Variants in STX8 observed in about 807,000 individuals in gnomAD.
The protein encoded by STX8 is syntaxin-8.
A neutral mutation model predicts 37.5 loss-of-function variants in STX8; 23 were observed. The observed-to-expected ratio is 0.61, with a 90% CI of 0.44 to 0.87. STX8 has a LOEUF of 0.87. Ranked by LOEUF, STX8 falls within the 40% of genes least tolerant of loss-of-function variation. The pLI is 0.00. For synonymous variants in STX8, 115 were observed against 99.1 expected, an observed-to-expected ratio of 1.16 and a Z score of -0.95; for missense variants, 313 against 284.7, an observed-to-expected ratio of 1.10 and a Z score of -0.71.
At chr17:9,558,204 G>GA (rs1278319486) in intron 2 of STX8, among the ~76,000 whole-genome samples, 1 of 152,190 alleles carries the variant, frequency 6.6e-6, no homozygotes, top group Non-Finnish European at 1.5e-5. Flanking sequence ...TTGGAAATGT[G>GA]AAAAAACTGC....
chr17:9,559,756 A>AT (rs1214621506), intron 2 of STX8, among the ~76,000 whole-genome samples: 454 of 31,068 alleles, frequency 0.015, 8 homozygotes, highest in Admixed American at 0.046. Context: ...ATATATATAT[A>AT]TATATTTTTT....
At chr17:9,451,697 C>G (rs1198114576) in intron 6 of STX8, among the ~76,000 whole-genome samples, 1 of 151,830 alleles carries the variant, frequency 6.6e-6, no homozygotes, top group East Asian at 1.9e-4. Context: ...ACCCAAGTTG[C>G]TAGATTTTTC....
intron 7 of STX8, among the ~76,000 whole-genome samples, chr17:9,266,333 G>A (rs1313926839): frequency 6.6e-6 from 1 of 152,228 alleles, no homozygotes; most frequent in Non-Finnish European, 1.5e-5. Flanking sequence ...CCTTTCTGAA[G>A]TGAGAAGCAG....
chr17:9,486,374 T>C (rs879015146), intron 6 of STX8, among the ~76,000 whole-genome samples: 1 of 152,180 alleles, frequency 6.6e-6, no homozygotes, highest in Admixed American at 6.5e-5. Flanking sequence ...TATTTGAGCA[T>C]CAAAAGAATG....
Position 9,463,945 on chromosome 17 carries a change from T to C in STX8, c.541+27884A>G, listed in dbSNP as rs1204804697. 5.4e-5 allele frequency among the ~76,000 whole-genome samples: 8 copies of C among 149,260 alleles called. No homozygotes were observed. In the East Asian group the frequency reaches 1.6e-3, roughly 29 times the overall value. ...AAAAATTTAGCTGGGTGTGGTGGTG[T>C]GCACCTGTAGTCCCAGCTACTCAGG... is the stretch of plus-strand genomic sequence containing the variant. On this transcript the variant is annotated intron_variant, in intron 6 of 7. Coordinates refer to ENST00000306357, the MANE Select transcript of STX8 (RefSeq NM_004853.3).
rs577308797 is a variant in STX8 at position 9,545,673 on chromosome 17, C to T, written c.213-391G>A. ...TCGGCCCACTGCAACCTCTGCCTCC[C>T]GGGTTCAAGCAGTTCTCCTGCCTCA... On this transcript the variant is annotated intron_variant, in intron 3 of 7. Coordinates refer to ENST00000306357, the MANE Select transcript of STX8 (RefSeq NM_004853.3). 3.9e-5 allele frequency among the ~76,000 whole-genome samples: 6 copies of T among 152,290 alleles called. 1 individual carries two copies. In the East Asian group the frequency reaches 7.7e-4, roughly 20 times the overall value.
chr17:9,314,378 T>C (rs1268472125), intron 7 of STX8, among the ~76,000 whole-genome samples: 3 of 152,108 alleles, frequency 2.0e-5, no homozygotes, highest in Non-Finnish European at 4.4e-5. Context: ...ATTGGGAATA[T>C]ATATTTTATA....
intron 7 of STX8, among the ~76,000 whole-genome samples, chr17:9,282,541 G>A (rs1194914864): frequency 2.6e-5 from 4 of 152,182 alleles, no homozygotes; most frequent in Admixed American, 6.5e-5. Context: ...GTAAGACAGG[G>A]TTCAACAGAA....
intron 7 of STX8, among the ~76,000 whole-genome samples, chr17:9,356,642 C>T (rs963710178): frequency 3.9e-5 from 6 of 152,186 alleles, no homozygotes; most frequent in African/African-American, 1.4e-4. Flanking sequence ...TGAGGCTGTT[C>T]CTCTTCCTCT....
Position 9,507,019 on chromosome 17 carries a change from C to G in STX8, c.324-1857G>C, listed in dbSNP as rs1457992820. On this transcript the variant is annotated intron_variant, in intron 4 of 7. Coordinates refer to ENST00000306357, the MANE Select transcript of STX8 (RefSeq NM_004853.3). The surrounding 1 kb of genome is among the most constrained non-coding windows in gnomAD (Gnocchi z 4.0). ...TCCTGCAATGAAGGGAAACCACCCT[C>G]TGCACTTTCAGCCACAGAAACAGTC... 2.6e-5 allele frequency among the ~76,000 whole-genome samples: 4 copies of G among 151,986 alleles called. No homozygotes were observed. The highest frequency in any genetic ancestry group is 1.3e-4 in the Admixed American group (2 of 15,256).
At chr17:9,526,587 T>G (rs992610004) in intron 4 of STX8, among the ~76,000 whole-genome samples, 1 of 152,208 alleles carries the variant, frequency 6.6e-6, no homozygotes, top group Admixed American at 6.5e-5. Flanking sequence ...GTTGGAAACA[T>G]TTTTTAAAAT....
chr17:9,506,792 CCCCACTCCCCA>C (rs1904855251), intron 4 of STX8, among the ~76,000 whole-genome samples: 1 of 152,076 alleles, frequency 6.6e-6, no homozygotes, highest in African/African-American at 2.4e-5. Flanking sequence ...TAGGAGCATT[CCCCACTCCCCA>C]CCCACTCCAT....
intron 6 of STX8, among the ~76,000 whole-genome samples, chr17:9,426,431 G>A (rs1913632997): frequency 6.6e-6 from 1 of 152,318 alleles, no homozygotes; most frequent in Admixed American, 6.5e-5. Flanking sequence ...GGAGGCTGAG[G>A]CAGGAGAATT....
chr17:9,267,442 T>A (rs540236002), intron 7 of STX8, among the ~76,000 whole-genome samples: 8 of 152,338 alleles, frequency 5.3e-5, no homozygotes, highest in African/African-American at 1.9e-4. Flanking sequence ...TCCCCATGTG[T>A]GATGGCCTTC....
chr17:9,388,578 C>T (rs1309613902), intron 6 of STX8, among the ~76,000 whole-genome samples: 4 of 151,018 alleles, frequency 2.6e-5, no homozygotes, highest in Non-Finnish European at 5.9e-5. Flanking sequence ...CCGAGGTGGG[C>T]GGATCACCTG....
chr17:9,552,999 G>C (rs1906829862), intron 3 of STX8: 1 of 151,988 alleles, frequency 6.6e-6, no homozygotes, highest in Non-Finnish European at 1.5e-5. Context: ...AGTACTTTTT[G>C]ACATCAAACC....
At chr17:9,487,445 T>C (rs114434162) in intron 6 of STX8, among the ~76,000 whole-genome samples, 305 of 152,266 alleles carry the variant, frequency 2.0e-3, no homozygotes, top group African/African-American at 7.0e-3. Context: ...CATGGCCTTT[T>C]TTCGCTTTAA....
intron 7 of STX8, among the ~76,000 whole-genome samples, chr17:9,254,202 C>T (rs1906698597): frequency 6.6e-6 from 1 of 152,178 alleles, no homozygotes; most frequent in South Asian, 2.1e-4. Context: ...TGGCTGTCTC[C>T]GGTGCCCCCA....
At chr17:9,429,708 A>G (rs1162854550) in intron 6 of STX8, among the ~76,000 whole-genome samples, 1 of 111,228 alleles carries the variant, frequency 9.0e-6, no homozygotes, top group African/African-American at 3.5e-5. Context: ...ATCTCAAAAA[A>G]ATATATATTA....
Sources: allele counts gnomAD v4.1 joint callset (sites outside exome capture counted in the v4.1 genomes callset), GRCh38; gene constraint gnomAD v4.1.1; non-coding constraint Gnocchi (gnomAD v3.1); transcripts MANE v1.5; gene names NCBI Gene and HGNC (gene_info 2026-07-23, HGNC 2026-07-21).